ZNF573: variants seen among roughly 807,000 people sequenced by gnomAD.
ZNF573 encodes the protein zinc finger protein 573.
ZNF573 carries 41 observed loss-of-function variants against 57.4 expected under a neutral mutation model. The ratio of observed to expected loss-of-function variants is 0.71; its 90% CI spans 0.56 to 0.93. The LOEUF is 0.93. Ranked by LOEUF, ZNF573 falls within the 40% of genes least tolerant of loss-of-function variation. The pLI is 0.00. For missense variants in ZNF573, 730 were observed against 794.8 expected, an observed-to-expected ratio of 0.92 and a Z score of 0.98; for synonymous variants, 249 against 261.0, an observed-to-expected ratio of 0.95 and a Z score of 0.44.
At chr19:37,753,346 G>A (rs567344551) in intron 4 of ZNF573, among the ~76,000 whole-genome samples, 21 of 152,070 alleles carry the variant, frequency 1.4e-4, no homozygotes, top group African/African-American at 4.1e-4. Context: ...ATCACCTCAA[G>A]TATTTATCCT....
chr19:37,771,534 T>C, intron 3 of ZNF573, 30 bp downstream of exon 3: 1 of 1,602,372 alleles, frequency 6.2e-7, no homozygotes. Context: ...ACAGATCACA[T>C]TTTAAATTAC....
Position 37,770,040 on chromosome 19 carries a change from G to T in ZNF573, c.260C>A (p.Pro87His). Residue 87 changes from proline (P) to histidine (H), a missense_variant, in exon 4 of 5, where the codon CCC becomes CAC. Physicochemically the swap from Pro to His is moderately conservative, Grantham distance 77 (BLOSUM62 -2). Coordinates refer to ENST00000536220, the MANE Select transcript of ZNF573 (RefSeq NM_001172690.2). Reference sequence around the variant, plus strand: ...TGTTTCTTCCCTCAAAATCATCCAGGGCTCTTTTCCTCGCTCCAGTAAATC... The same window carrying T: ...TGTTTCTTCCCTCAAAATCATCCAGTGCTCTTTTCCTCGCTCCAGTAAATC... ...VVDLLERGKE[P>H]WMILREETQF... 3.2e-6 allele frequency: 5 copies of T among 1,551,886 alleles called. No homozygotes were observed. Among genetic ancestry groups the T allele is most frequent in the Non-Finnish European group, 4.4e-6 (5 of 1,147,196 alleles).
At chr19:37,760,120 C>T (rs1224402557) in intron 4 of ZNF573, among the ~76,000 whole-genome samples, 3 of 152,142 alleles carry the variant, frequency 2.0e-5, no homozygotes, top group African/African-American at 7.2e-5. Context: ...GCCACACATA[C>T]GTACATAGCT....
intron 4 of ZNF573, among the ~76,000 whole-genome samples, chr19:37,750,211 T>G (rs2045420458): frequency 6.6e-6 from 1 of 151,936 alleles, no homozygotes; most frequent in Non-Finnish European, 1.5e-5. Context: ...ATCTCCTGAG[T>G]AGCTGAGGCT....
At chr19:37,740,296 C>A in intron 4 of ZNF573, 102 bp from the exon 5 acceptor site, 1 of 1,079,100 alleles carries the variant, frequency 9.3e-7, no homozygotes, top group Non-Finnish European at 1.3e-6. Flanking sequence ...AAGTGAATGG[C>A]ATATAGAATT....
intron 4 of ZNF573, among the ~76,000 whole-genome samples, chr19:37,746,371 C>T (rs1022646691): frequency 3.3e-5 from 5 of 152,014 alleles, no homozygotes; most frequent in Non-Finnish European, 7.4e-5. Flanking sequence ...AAATGGTGGA[C>T]GGGGAGAGCC....
At chr19:37,773,346 C>G (rs2045676574) in intron 2 of ZNF573, among the ~76,000 whole-genome samples, 1 of 152,212 alleles carries the variant, frequency 6.6e-6, no homozygotes, top group East Asian at 1.9e-4. Context: ...ATCTCTAATT[C>G]ACCAAACTAA....
chr19:37,773,520 C>T, intron 2 of ZNF573, 141 bp downstream of exon 2: 1 of 583,394 alleles, frequency 1.7e-6, no homozygotes, highest in Non-Finnish European at 3.0e-6. Context: ...GAGTTATTTG[C>T]TATCACTATT....
At chr19:37,771,792 T>C in intron 2 of ZNF573, 96 bp from the exon 3 acceptor site, 1 of 1,307,390 alleles carries the variant, frequency 7.6e-7, no homozygotes, top group Non-Finnish European at 1.0e-6. Flanking sequence ...TGATATAGTA[T>C]ATGTGGCTAA....
chr19:37,748,884 A>ATG (rs2045407208), intron 4 of ZNF573, among the ~76,000 whole-genome samples: 1 of 141,082 alleles, frequency 7.1e-6, no homozygotes, highest in Admixed American at 8.0e-5. Flanking sequence ...CCGAGATAGC[A>ATG]CCACTGCATT....
rs2045599652 is a variant in ZNF573, at chr19:37,766,085, AT to A, written c.295+3919del. 2.0e-5 allele frequency among the ~76,000 whole-genome samples: 3 copies of A among 152,148 alleles called. No homozygotes were observed. The East Asian group carries it at 5.8e-4, about 29-fold the overall frequency. ...AAAGACCAAATATTGATCAGCCTTT[AT>A]TTTCCAAATGGTATCAGTAGTTACC... On this transcript the variant is annotated intron_variant, in intron 4 of 4. Transcript: ENST00000536220.
At chr19:37,770,832 T>TATATATATA (rs2045649724) in intron 3 of ZNF573, among the ~76,000 whole-genome samples, 4 of 93,736 alleles carry the variant, frequency 4.3e-5, no homozygotes, top group South Asian at 6.6e-4. Context: ...TTAAGTTATT[T>TATATATATA]TATATATATA....
chr19:37,748,688 G>A (rs2045404627), intron 4 of ZNF573, among the ~76,000 whole-genome samples: 1 of 152,084 alleles, frequency 6.6e-6, no homozygotes, highest in Admixed American at 6.6e-5. Context: ...CAGCACTTTG[G>A]GAGGCCAAGG....
At chr19:37,744,127 A>C (rs552055057) in intron 4 of ZNF573, among the ~76,000 whole-genome samples, 1 of 149,224 alleles carries the variant, frequency 6.7e-6, no homozygotes, top group African/African-American at 2.5e-5. Context: ...AGAAGAAAGG[A>C]AAAAAAAAAG....
chr19:37,773,156 A>G (rs1414484504), intron 2 of ZNF573, among the ~76,000 whole-genome samples: 1 of 152,270 alleles, frequency 6.6e-6, no homozygotes, highest in African/African-American at 2.4e-5. Flanking sequence ...CTTGTCTCTC[A>G]GTAATTCTTT....
chr19:37,749,526 A>G (rs1164039672), intron 4 of ZNF573, among the ~76,000 whole-genome samples: 1 of 152,170 alleles, frequency 6.6e-6, no homozygotes, highest in Admixed American at 6.5e-5. Flanking sequence ...ATGTAAATAC[A>G]TATGAGAAAA....
At chr19:37,769,127 G>C (rs2045629430) in intron 4 of ZNF573, among the ~76,000 whole-genome samples, 1 of 150,354 alleles carries the variant, frequency 6.7e-6, no homozygotes, top group South Asian at 2.1e-4. Flanking sequence ...ACCATGCCTG[G>C]CTAATTTTTG....
intron 4 of ZNF573, among the ~76,000 whole-genome samples, chr19:37,750,092 T>A (rs2045418967): frequency 6.6e-6 from 1 of 151,960 alleles, no homozygotes; most frequent in Non-Finnish European, 1.5e-5. Flanking sequence ...TTTAATTTTT[T>A]TTTTTTTTGA....
At chr19:37,740,525 C>A (rs753378698) in intron 4 of ZNF573, 3 of 461,280 alleles carry the variant, frequency 6.5e-6, no homozygotes, top group Admixed American at 2.5e-5. Flanking sequence ...TATTTTGAAC[C>A]TATCACTGAT....
Sources: allele counts gnomAD v4.1 joint callset (sites outside exome capture counted in the v4.1 genomes callset), GRCh38; gene constraint gnomAD v4.1.1; transcripts MANE v1.5; gene names NCBI Gene and HGNC (gene_info 2026-07-23, HGNC 2026-07-21).